Variants in ALDH4A1 observed in about 807,000 individuals in gnomAD.
ALDH4A1 encodes the protein aldehyde dehydrogenase 4 family member A1, also known as delta-1-pyrroline-5-carboxylate dehydrogenase, mitochondrial.
In ALDH4A1, 46 loss-of-function variants were observed where a neutral mutation model predicts 70.5. That is an observed-to-expected ratio of 0.65 (90% confidence interval 0.51 to 0.83). The LOEUF is 0.83. Ranked by LOEUF, ALDH4A1 falls within the 40% of genes least tolerant of loss-of-function variation. The probability of loss-of-function intolerance (pLI) is 0.00; values close to 1 mark genes in which losing one functional copy is unlikely to be tolerated. For synonymous variants in ALDH4A1, 323 were observed against 324.3 expected (o/e 1.00, Z 0.04); for missense variants, 749 against 766.5 (o/e 0.98, Z 0.27).
chr1:18,901,766 G>T (rs1423001329), intron 1 of ALDH4A1, among the ~76,000 whole-genome samples: 1 of 152,130 alleles, frequency 6.6e-6, no homozygotes, highest in Non-Finnish European at 1.5e-5. Context: ...CTGCCTTTGT[G>T]CTGGGCACTG....
At chr1:18,885,427 T>TGCCACCCCCCCCCCCCCCCCCCCCC in intron 5 of ALDH4A1, 46 bp downstream of exon 5, 9 of 650,922 alleles carry the variant, frequency 1.4e-5, no homozygotes, top group East Asian at 3.2e-5. Flanking sequence ...CACACCTGAC[T>TGCCACCCCCCCCCCCCCCCCCCCCC]CCCACCCCAC....
At position 18,871,695 on chromosome 1, in the gene ALDH4A1, G is replaced by T. The variant is rs1318722381; in HGVS notation, c.*1150C>A. 6.6e-6 allele frequency: 1 copy of T among 152,346 alleles called. No individual in the cohort carries two copies. Among genetic ancestry groups the T allele is most frequent in the Admixed American group, 6.5e-5 (1 of 15,282 alleles). The allele number at this position is 152,346 out of a possible 1,614,324, so 9.4% of individuals were successfully genotyped here. On this transcript the variant is annotated 3_prime_UTR_variant, in exon 15 of 15. Transcript: ENST00000375341. ...GGGTGGGGTCCCATGCAGGCATCCT[G>T]GAGGAAGACCCAACACTTTCACAGT... is the stretch of plus-strand genomic sequence containing the variant.
At chr1:18,885,678 C>T in intron 4 of ALDH4A1, 50 bp from the exon 5 acceptor site, 4 of 1,612,256 alleles carry the variant, frequency 2.5e-6, no homozygotes, top group Non-Finnish European at 3.4e-6. Flanking sequence ...CGGGAAAGGC[C>T]CTGGGGAGTG....
At chr1:18,885,001 C>T (rs1206083662) in intron 5 of ALDH4A1, among the ~76,000 whole-genome samples, 3 of 152,008 alleles carry the variant, frequency 2.0e-5, no homozygotes, top group South Asian at 2.1e-4. Context: ...GAGCAGTGGG[C>T]GAGCTGGACA....
At position 18,877,568 on chromosome 1, in the gene ALDH4A1, C is replaced by A; in HGVS notation, c.985G>T (p.Val329Leu). The A allele has an allele frequency of 6.2e-7, 1 of 1,611,726 alleles. No individual in the cohort carries two copies. The highest frequency in any genetic ancestry group is 1.1e-5 in the South Asian group (1 of 90,956). ...AGGGTCCCGCTCACCACGCTCTCCA[C>A]GTCGGCCGAGCGGTGCACGAAGTGG... Reference protein sequence around the residue: ...NFHFVHRSADVESVVSGTLRS... With the variant: ...NFHFVHRSADLESVVSGTLRS... The change falls in exon 10 of 15, where the codon GTG becomes TTG. Residue 329 changes from valine to leucine, a missense_variant. Coordinates refer to ENST00000375341, the MANE Select transcript of ALDH4A1 (RefSeq NM_003748.4).
chr1:18,890,530 G>C (rs564547100), intron 1 of ALDH4A1, among the ~76,000 whole-genome samples: 15 of 152,092 alleles, frequency 9.9e-5, no homozygotes, highest in Non-Finnish European at 1.9e-4. Context: ...CTGGGTGAGA[G>C]AGCGAAAAAC....
At chr1:18,882,145 CG>C (rs150356570) in intron 7 of ALDH4A1, among the ~76,000 whole-genome samples, 3 of 152,338 alleles carry the variant, frequency 2.0e-5, no homozygotes, top group African/African-American at 7.2e-5. Context: ...CTGCACCAAC[CG>C]GTCCTGCCAT....
At chr1:18,886,642 A>C in intron 3 of ALDH4A1, 131 bp from the exon 4 acceptor site, 1 of 980,740 alleles carries the variant, frequency 1.0e-6, no homozygotes. Context: ...CCCCGCTCCC[A>C]TGAAACCCTC....
rs2230712 is a variant in ALDH4A1, at chr1:18,872,723, A to G, written c.*122T>C. 741 of 757,090 alleles carry G rather than the reference A, an allele frequency of 9.8e-4. 4 individuals are homozygous for G. In the African/African-American group the frequency reaches 0.011, roughly 12 times the overall value. The allele number at this position is 757,090 out of a possible 1,614,324, so 46.9% of individuals were successfully genotyped here. A position where few individuals can be genotyped will look rare whatever the true frequency, so the allele number is the denominator to read the frequency against. ...GAATACAGTGGTAAGAAGGGAGTCA[A>G]GCCCGGATTATAGAAAGGCAGCTGT... On this transcript the variant is annotated 3_prime_UTR_variant, in exon 15 of 15. Coordinates refer to ENST00000375341, the MANE Select transcript of ALDH4A1 (RefSeq NM_003748.4).
intron 1 of ALDH4A1, among the ~76,000 whole-genome samples, chr1:18,901,090 C>T (rs1385024132): frequency 6.6e-6 from 1 of 152,178 alleles, no homozygotes; most frequent in Non-Finnish European, 1.5e-5. Context: ...CACCAGCTCA[C>T]AGTAGGCACT....
chr1:18,885,722 T>G (rs528494290), intron 4 of ALDH4A1, 94 bp from the exon 5 acceptor site: 68 of 1,542,546 alleles, frequency 4.4e-5, no homozygotes, highest in Non-Finnish European at 5.7e-5. Flanking sequence ...GGCCACTCTC[T>G]TCCATCCGGG....
rs748875234 is a variant in ALDH4A1 at position 18,889,416 on chromosome 1, T to G, written c.195A>C (p.Pro65=). The change falls in exon 3 of 15, where the codon CCA becomes CCC. Residue 65 remains proline (P), a synonymous_variant. Transcript: ENST00000375341. ...ACACCTCCTCATCCCCCACCACGCA[T>G]GGGATGGCTTCCATCCGGCCCTTCA... The part of the protein sequence containing the change: ...KDLKGRMEAI[P]CVVGDEEVWT... The G allele has an allele frequency of 6.4e-7, 1 of 1,552,736 alleles. No homozygotes were observed. The highest frequency in any genetic ancestry group is 8.7e-7 in the Non-Finnish European group (1 of 1,147,556).
chr1:18,874,482 A>T lies in ALDH4A1; in HGVS notation c.1560T>A (p.Phe520Leu). 6.2e-7 allele frequency: 1 copy of T among 1,613,776 alleles called. No individual in the cohort carries two copies. Among genetic ancestry groups the T allele is most frequent in the Admixed American group, 1.7e-5 (1 of 60,028 alleles). ...STGSIVGQQP[F>L]GGARASGTND... ...ACTCACCAGAGGCTCGGGCCCCCCC[A>T]AAGGGCTGCTGGCCCACTATCGAGC... The change falls in exon 14 of 15, where the codon TTT (phenylalanine) becomes TTA (leucine). Residue 520 changes from phenylalanine to leucine, a missense_variant. Physicochemically the swap from Phe to Leu is conservative, Grantham distance 22 (BLOSUM62 0). Coordinates refer to ENST00000375341, the MANE Select transcript of ALDH4A1 (RefSeq NM_003748.4).
At chr1:18,899,197 T>C (rs1935719407) in intron 1 of ALDH4A1, among the ~76,000 whole-genome samples, 1 of 152,218 alleles carries the variant, frequency 6.6e-6, no homozygotes, top group Admixed American at 6.5e-5. Flanking sequence ...TGGTGGGAAA[T>C]GCCAGCCCTC....
At chr1:18,881,649 C>G in intron 8 of ALDH4A1, 51 bp downstream of exon 8, 1 of 1,475,748 alleles carries the variant, frequency 6.8e-7, no homozygotes, top group Non-Finnish European at 9.0e-7. Flanking sequence ...AGCAGGTGAG[C>G]AGGTGAACGT....
intron 7 of ALDH4A1, chr1:18,882,637 C>G (rs1935026982): frequency 1.9e-6 from 1 of 539,608 alleles, no homozygotes; most frequent in African/African-American, 1.9e-5. Context: ...GTTTTGTCAT[C>G]TGGCAAAGAG....
chr1:18,893,915 G>A (rs888435551), intron 1 of ALDH4A1, among the ~76,000 whole-genome samples: 7 of 152,276 alleles, frequency 4.6e-5, no homozygotes, highest in Non-Finnish European at 8.8e-5. Context: ...GTGTATATTC[G>A]AGGTAACTTG....
At chr1:18,883,244 G>A (rs776116485) in intron 6 of ALDH4A1, 35 bp downstream of exon 6, 3 of 1,613,126 alleles carry the variant, frequency 1.9e-6, no homozygotes, top group Non-Finnish European at 1.7e-6. Flanking sequence ...GCATTGGGCT[G>A]CCCCGCCTGC....
At chr1:18,882,025 C>G (rs1934996457) in intron 7 of ALDH4A1, 138 bp from the exon 8 acceptor site, 1 of 883,468 alleles carries the variant, frequency 1.1e-6, no homozygotes, top group African/African-American at 1.7e-5. Context: ...CCCTACCCGA[C>G]CCCACTCCTC....
Sources: allele counts gnomAD v4.1 joint callset (sites outside exome capture counted in the v4.1 genomes callset), GRCh38; gene constraint gnomAD v4.1.1; transcripts MANE v1.5; gene names NCBI Gene and HGNC (gene_info 2026-07-23, HGNC 2026-07-21).